The following PIK3C2A variants were observed in gnomAD, a reference collection of about 807,000 sequenced individuals.
PIK3C2A encodes phosphatidylinositol-4-phosphate 3-kinase catalytic subunit type 2 alpha, also known as phosphatidylinositol 4-phosphate 3-kinase C2 domain-containing subunit alpha.
PIK3C2A carries 97 observed loss-of-function variants against 204.5 expected under a neutral mutation model. That is an observed-to-expected ratio of 0.47 (90% CI 0.40 to 0.56). The LOEUF (loss-of-function observed/expected upper bound fraction) is 0.56. PIK3C2A is among the 20% of genes least tolerant of loss of function. The probability of loss-of-function intolerance (pLI) is 0.00; values close to 1 mark genes in which losing one functional copy is unlikely to be tolerated. For missense variants in PIK3C2A, 1,735 were observed against 1,969.2 expected (o/e 0.88, Z 2.25); for synonymous variants, 653 against 664.4 (o/e 0.98, Z 0.26).
In PIK3C2A at chr11:17,089,579, G is replaced by A. The variant is rs1444419928; in HGVS notation, c.*159C>T. 1 of 538,646 alleles carries A rather than the reference G, an allele frequency of 1.9e-6. No homozygotes were observed. The highest frequency in any genetic ancestry group is 3.2e-6 in the Non-Finnish European group (1 of 308,520). 33.4% of individuals were successfully genotyped at this position (538,646 alleles called of 1,614,324 possible). On this transcript the variant is annotated 3_prime_UTR_variant, in exon 33 of 33. Transcript: ENST00000691414. ...ATGTGACTGTTGGTCCAACAGATGT[G>A]TTGAAATGCAGCAAGTATATTTAAC...
chr11:17,099,057 G>A (rs778546085), intron 26 of PIK3C2A, among the ~76,000 whole-genome samples: 6 of 152,100 alleles, frequency 3.9e-5, no homozygotes, highest in Non-Finnish European at 5.9e-5. Flanking sequence ...CACTATGCCC[G>A]GCTAATTTTG....
At position 17,107,853 on chromosome 11, in the gene PIK3C2A, T is replaced by G. The variant is rs181933947; in HGVS notation, c.3545-2548A>C. Among the ~76,000 whole-genome samples the G allele has an allele frequency of 1.9e-4, 29 of 152,056 alleles. 1 individual carries two copies. Among genetic ancestry groups the G allele is most frequent in the African/African-American group, 6.3e-4 (26 of 41,482 alleles). On this transcript the variant is annotated intron_variant, in intron 22 of 32. Transcript: ENST00000691414. ...AGTAGTCTAGTTACATATGGCAGAA[T>G]GAATTCATTTGGCTCCTTTTTTTCT...
intron 28 of PIK3C2A, among the ~76,000 whole-genome samples, chr11:17,093,559 C>T (rs776088827): frequency 4.0e-5 from 6 of 151,722 alleles, no homozygotes; most frequent in African/African-American, 9.7e-5. Flanking sequence ...CCACCGCGCC[C>T]GGCCATGCTT....
intron 1 of PIK3C2A, among the ~76,000 whole-genome samples, chr11:17,188,360 T>C (rs1192369330): frequency 6.9e-6 from 1 of 145,386 alleles, no homozygotes; most frequent in Non-Finnish European, 1.5e-5. Context: ...GAAAAAGAAA[T>C]GTCACAGAAC....
Position 17,135,020 on chromosome 11 carries a change from T to C in PIK3C2A, c.1907A>G (p.Asn636Ser). 4 of 1,613,930 alleles carry C rather than the reference T, an allele frequency of 2.5e-6. No individual in the cohort carries two copies. The highest frequency in any genetic ancestry group is 1.7e-6 in the Non-Finnish European group (2 of 1,179,828). ...TSRSSTRGSLNPENPVQVSIN... is the reference protein window; with the variant it reads ...TSRSSTRGSLSPENPVQVSIN... The stretch of plus-strand genomic sequence containing the variant: ...GCTTACTTGAACAGGATTTTCAGGA[T>C]TAAGTGAGCCTAGATTAAAGAAAAA... Residue 636 changes from asparagine (N) to serine (S), a missense_variant, in exon 11 of 33, where the codon AAT (asparagine) becomes AGT (serine). Transcript: ENST00000691414.
At position 17,101,427 on chromosome 11, in the gene PIK3C2A, C is replaced by A. The variant is rs1217299207; in HGVS notation, c.3859G>T (p.Ala1287Ser). 2 of 1,500,442 alleles carry A rather than the reference C, an allele frequency of 1.3e-6. No individual in the cohort carries two copies. Among genetic ancestry groups the A allele is most frequent in the Admixed American group, 1.9e-5 (1 of 51,832 alleles). 92.9% of individuals were successfully genotyped at this position (1,500,442 alleles called of 1,614,324 possible). Residue 1287 changes from alanine to serine, a missense_variant, in exon 25 of 33, where the codon GCT becomes TCT. Physicochemically the swap from Ala to Ser is moderately conservative, Grantham distance 99 (BLOSUM62 1). Coordinates refer to ENST00000691414, the MANE Select transcript of PIK3C2A (RefSeq NM_002645.4). ...ATATCAGAGGTCAGCACAAAAGGAG[C>A]CCGATCCCTATTTAAAATGAAAGTA... is the stretch of plus-strand genomic sequence containing the variant. ...QMFGSFKRDR[A>S]PFVLTSDMAY...
chr11:17,157,623 T>C (rs1016763314), intron 2 of PIK3C2A, among the ~76,000 whole-genome samples: 5 of 152,182 alleles, frequency 3.3e-5, no homozygotes, highest in Non-Finnish European at 7.3e-5. Flanking sequence ...CTCAGTGTTT[T>C]CCTAATATCT....
At chr11:17,110,606 A>C (rs768265708) in intron 21 of PIK3C2A, 45 bp from the exon 22 acceptor site, 15 of 1,568,684 alleles carry the variant, frequency 9.6e-6, no homozygotes, top group Non-Finnish European at 8.7e-7. Flanking sequence ...TCTCCAAAAG[A>C]CTTAACAGAT....
At chr11:17,120,071 C>T (rs1307470666) in intron 15 of PIK3C2A, 97 bp from the exon 16 acceptor site, 2 of 554,994 alleles carry the variant, frequency 3.6e-6, no homozygotes, top group Non-Finnish European at 6.0e-6. Context: ...TTATTTGGGA[C>T]AGCTACTTCT....
rs776589694 is a variant in PIK3C2A, at chr11:17,132,036, T to A, written c.2111A>T (p.Tyr704Phe). ...HGISSNWVSN[Y>F]EKYYLICSLS... is the part of the protein sequence containing the mutation. ...TGAACATATCAAGTAGTATTTTTCA[T>A]AACTGAGAAAAGAAAGTTTAACTTG... is the stretch of plus-strand genomic sequence containing the variant. The change falls in exon 12 of 33, where the codon TAT (tyrosine) becomes TTT (phenylalanine). Residue 704 changes from tyrosine to phenylalanine, a missense_variant and splice_region_variant. Physicochemically the swap from Tyr to Phe is conservative, Grantham distance 22. This residue lies in a region of PIK3C2A where 567 missense variants were observed against 576.0 expected (regional missense o/e 0.98). Transcript: ENST00000691414. The A allele has an allele frequency of 6.7e-7, 1 of 1,501,028 alleles. No homozygotes were observed. The highest frequency in any genetic ancestry group is 2.1e-5 in the Admixed American group (1 of 46,530). 93.0% of individuals were successfully genotyped at this position (1,501,028 alleles called of 1,614,324 possible). A position where few individuals can be genotyped will look rare whatever the true frequency, so the allele number is the denominator to read the frequency against.
At chr11:17,098,400 G>A (rs994906300) in intron 26 of PIK3C2A, among the ~76,000 whole-genome samples, 2 of 152,190 alleles carry the variant, frequency 1.3e-5, no homozygotes, top group African/African-American at 4.8e-5. Flanking sequence ...CTGTGAAGGT[G>A]GCCATCTGCA....
At chr11:17,102,551 T>C (rs1028749601) in intron 24 of PIK3C2A, 111 bp downstream of exon 24, 7 of 771,260 alleles carry the variant, frequency 9.1e-6, no homozygotes, top group Non-Finnish European at 6.5e-6. Flanking sequence ...CCTTTTTCAT[T>C]CCCAGTTATG....
chr11:17,184,537 T>G (rs562467365), intron 1 of PIK3C2A, among the ~76,000 whole-genome samples: 2 of 152,296 alleles, frequency 1.3e-5, no homozygotes, highest in South Asian at 4.1e-4. Context: ...TGTATAGCTG[T>G]ACTATGTTCT....
chr11:17,182,004 A>G (rs1331508850), intron 1 of PIK3C2A, among the ~76,000 whole-genome samples: 1 of 151,770 alleles, frequency 6.6e-6, no homozygotes, highest in East Asian at 1.9e-4. Flanking sequence ...GAGAAAGAGA[A>G]TCGCTTGAAC....
At position 17,149,731 on chromosome 11, in the gene PIK3C2A, C is replaced by A. The variant is rs12291221; in HGVS notation, c.1327+767G>T. On this transcript the variant is annotated intron_variant, in intron 4 of 32. Coordinates refer to ENST00000691414, the MANE Select transcript of PIK3C2A (RefSeq NM_002645.4). ...CTCTCTCAAAAAACAACAACAACAACAAAAAAACACAAAACTTTTCCTTTA... is the reference window on the plus strand; with the variant it reads ...CTCTCTCAAAAAACAACAACAACAAAAAAAAAACACAAAACTTTTCCTTTA... Among the ~76,000 whole-genome samples the A allele has an allele frequency of 6.6e-3, 1,000 of 152,024 alleles. 20 individuals carry two copies. Among genetic ancestry groups the A allele is most frequent in the African/African-American group, 0.021 (864 of 41,462 alleles).
chr11:17,142,680 A>G (rs113041794), intron 8 of PIK3C2A, among the ~76,000 whole-genome samples: 1 of 90,008 alleles, frequency 1.1e-5, no homozygotes, highest in Non-Finnish European at 2.4e-5. Flanking sequence ...TGATCACACC[A>G]CTGCACTCCA....
intron 1 of PIK3C2A, among the ~76,000 whole-genome samples, chr11:17,189,297 G>A (rs570801033): frequency 6.8e-6 from 1 of 146,676 alleles, no homozygotes; most frequent in Non-Finnish European, 1.5e-5. Context: ...TAAACTTCAG[G>A]TTCTCCTTTG....
chr11:17,093,655 G>GA (rs1205286324), intron 28 of PIK3C2A, among the ~76,000 whole-genome samples: 1 of 150,160 alleles, frequency 6.7e-6, no homozygotes, highest in Non-Finnish European at 1.5e-5. Context: ...TTTGGGGGGG[G>GA]GGGACAGGGT....
At chr11:17,177,530 G>C (rs577011177) in intron 1 of PIK3C2A, among the ~76,000 whole-genome samples, 2 of 152,210 alleles carry the variant, frequency 1.3e-5, no homozygotes, top group African/African-American at 4.8e-5. Flanking sequence ...CAAGTGGGGT[G>C]GGGGAGCAGA....
Sources: gnomAD v4.1 joint callset for allele counts (sites outside exome capture counted in the v4.1 genomes callset) on GRCh38, gnomAD v4.1.1 for gene constraint, gnomAD v4.1.1 regional missense constraint, MANE v1.5 for transcripts, NCBI Gene and HGNC (gene_info 2026-07-23, HGNC 2026-07-21) for gene names.